Variants in TNRC6A observed in about 807,000 individuals in gnomAD.
The protein encoded by TNRC6A is trinucleotide repeat containing adaptor 6A, also known as trinucleotide repeat-containing gene 6A protein.
TNRC6A carries 44 observed loss-of-function variants against 221.2 expected under a neutral mutation model. That is an observed-to-expected ratio of 0.20 (90% CI 0.16 to 0.26). The LOEUF (loss-of-function observed/expected upper bound fraction) is 0.26. Ranked by LOEUF, TNRC6A falls within the 10% of genes least tolerant of loss-of-function variation. The pLI, the probability that TNRC6A is intolerant of heterozygous loss-of-function variation, is 1.00. For missense variants in TNRC6A, 2,199 were observed against 2,404.4 expected (o/e 0.91, Z 1.79); for synonymous variants, 847 against 838.5 (o/e 1.01, Z -0.18).
intron 2 of TNRC6A, among the ~76,000 whole-genome samples, chr16:24,746,441 G>A (rs1365867680): frequency 3.3e-5 from 5 of 152,154 alleles, no homozygotes; most frequent in African/African-American, 1.2e-4. Context: ...TTTAGTGCTT[G>A]AGGTTTCTAT....
chr16:24,756,730 C>T (rs1029716721), intron 3 of TNRC6A, among the ~76,000 whole-genome samples: 1 of 152,128 alleles, frequency 6.6e-6, no homozygotes, highest in Non-Finnish European at 1.5e-5. Flanking sequence ...TGGCCTCAAG[C>T]ATCTGCCTGT....
At chr16:24,690,662 C>T (rs1256315651) in intron 2 of TNRC6A, among the ~76,000 whole-genome samples, 1 of 152,102 alleles carries the variant, frequency 6.6e-6, no homozygotes, top group African/African-American at 2.4e-5. Context: ...ATCTATTCAA[C>T]AACAAAGCAA....
chr16:24,720,315 T>C (rs2056386684), intron 2 of TNRC6A, among the ~76,000 whole-genome samples: 2 of 151,922 alleles, frequency 1.3e-5, no homozygotes. Flanking sequence ...GGCAGGACGA[T>C]CACTTAAGCC....
intron 2 of TNRC6A, among the ~76,000 whole-genome samples, chr16:24,695,529 A>T (rs2055840252): frequency 2.0e-5 from 3 of 151,958 alleles, no homozygotes; most frequent in Admixed American, 2.0e-4. Context: ...CATCCTCAGT[A>T]GCTGGGATTA....
At chr16:24,728,675 T>C (rs2056535377), upstream of TNRC6A, among the ~76,000 whole-genome samples, 1 of 152,182 alleles carries the variant, frequency 6.6e-6, no homozygotes, top group South Asian at 2.1e-4. Context: ...TACATGTATG[T>C]GTATTGTTGT....
chr16:24,670,881 G>A (rs59062800), intron 2 of TNRC6A: 44,225 of 265,656 alleles, frequency 0.17, 5,284 homozygotes, highest in East Asian at 0.34. Context: ...CACCTTGCCC[G>A]TTTCTCTCAC....
At chr16:24,812,523 G>T (rs1349747423) in intron 18 of TNRC6A, among the ~76,000 whole-genome samples, 1 of 152,186 alleles carries the variant, frequency 6.6e-6, no homozygotes, top group Non-Finnish European at 1.5e-5. Flanking sequence ...CATATATCCA[G>T]TAGTGGGTCC....
intron 13 of TNRC6A, 58 bp from the exon 14 acceptor site, chr16:24,804,956 A>T: frequency 6.2e-6 from 10 of 1,614,024 alleles, no homozygotes; most frequent in Non-Finnish European, 8.5e-6. Context: ...ACAGTGTGGT[A>T]ATGAGATGTT....
At chr16:24,674,391 C>T (rs537986282) in intron 2 of TNRC6A, among the ~76,000 whole-genome samples, 1 of 151,834 alleles carries the variant, frequency 6.6e-6, no homozygotes, top group Non-Finnish European at 1.5e-5. Flanking sequence ...GGTGACAGAG[C>T]GAGATTCTGT....
intron 17 of TNRC6A, among the ~76,000 whole-genome samples, chr16:24,808,163 G>A (rs1234698530): frequency 6.6e-6 from 1 of 152,214 alleles, no homozygotes; most frequent in Non-Finnish European, 1.5e-5. Context: ...CAAGTACAGG[G>A]AGAAGTTTTT....
At chr16:24,691,731 G>A (rs1783281513) in intron 2 of TNRC6A, among the ~76,000 whole-genome samples, 2 of 148,316 alleles carry the variant, frequency 1.3e-5, no homozygotes, top group Admixed American at 1.3e-4. Context: ...TTGTGCCACA[G>A]TACTCCTGCC....
chr16:24,806,684 G>T lies in TNRC6A; in HGVS notation c.4440G>T (p.Gln1480His). 1 of 1,614,162 alleles carries T rather than the reference G, an allele frequency of 6.2e-7. No individual in the cohort carries two copies. Among genetic ancestry groups the T allele is most frequent in the Non-Finnish European group, 8.5e-7 (1 of 1,180,030 alleles). The change falls in exon 17 of 25, where the codon CAG becomes CAT. Residue 1480 changes from glutamine to histidine, a missense_variant. By Grantham distance (24) the Gln-to-His change is conservative. Around this residue, in one of 8 missense-constraint regions of TNRC6A, gnomAD observed 449 missense variants for 579.7 expected, o/e 0.77. Transcript: ENST00000395799. The stretch of plus-strand genomic sequence containing the variant: ...CATCTCAGCAGCAGCCACTCCATCA[G>T]CCAGCCATGAAGTCTTTCCTTGACA... ...TPPSQQQPLHQPAMKSFLDNV... is the reference protein window; with the variant it reads ...TPPSQQQPLHHPAMKSFLDNV...
chr16:24,806,088 C>A, intron 15 of TNRC6A, 118 bp from the exon 16 acceptor site: 1 of 1,053,224 alleles, frequency 9.5e-7, no homozygotes, highest in Non-Finnish European at 1.4e-6. Context: ...TAATGCTAGA[C>A]ATGTTGGCAT....
At chr16:24,713,440 ACAAAC>A (rs2056246978) in intron 2 of TNRC6A, among the ~76,000 whole-genome samples, 1 of 129,002 alleles carries the variant, frequency 7.8e-6, no homozygotes, top group Non-Finnish European at 1.6e-5. Flanking sequence ...AAACAAACAA[ACAAAC>A]AAACAAAAAA....
chr16:24,762,178 G>A (rs930502300), intron 4 of TNRC6A, among the ~76,000 whole-genome samples: 7 of 152,098 alleles, frequency 4.6e-5, no homozygotes, highest in African/African-American at 1.4e-4. Flanking sequence ...CTGTTTCTGG[G>A]TTAATTAAAA....
chr16:24,627,908 AGGCTGGTC>A (rs1901114704), intron 1 of TNRC6A, among the ~76,000 whole-genome samples: 1 of 150,508 alleles, frequency 6.6e-6, no homozygotes, highest in African/African-American at 2.4e-5. Flanking sequence ...CGTGTTGGCC[AGGCTGGTC>A]TCGAACTCCT....
In TNRC6A at chr16:24,682,230, A is replaced by AT. The variant is rs35017542; in HGVS notation, n.402+41234dup. Among the ~76,000 whole-genome samples, 1,465 of 147,310 alleles carry AT rather than the reference A, an allele frequency of 9.9e-3. 29 individuals carry two copies. The highest frequency in any genetic ancestry group is 0.034 in the African/African-American group (1,358 of 40,184). ...AGGTCATGAAAGGAGGACTTGTTTG[A>AT]TTTTTTTTTTTTTAAAGGCAGGGTC... is the stretch of plus-strand genomic sequence containing the variant. On this transcript the variant is annotated intron_variant and non_coding_transcript_variant, in intron 2 of 2. Coordinates refer to the TNRC6A transcript ENST00000566108.
intron 1 of TNRC6A, among the ~76,000 whole-genome samples, chr16:24,634,248 A>G (rs1163910297): frequency 6.6e-6 from 1 of 152,010 alleles, no homozygotes. Context: ...ACTACATGGC[A>G]AAACCCCATC....
intron 8 of TNRC6A, 110 bp from the exon 9 acceptor site, chr16:24,795,797 C>T (rs992900471): frequency 1.5e-5 from 15 of 1,027,658 alleles, no homozygotes; most frequent in Middle Eastern, 3.1e-4. Context: ...CCCAAAGTTG[C>T]GATAACTAGT....
Sources: allele counts gnomAD v4.1 joint callset (sites outside exome capture counted in the v4.1 genomes callset), GRCh38; gene constraint gnomAD v4.1.1; regional missense constraint gnomAD v4.1.1; transcripts MANE v1.5; gene names NCBI Gene and HGNC (gene_info 2026-07-23, HGNC 2026-07-21).